The following TBC1D5 variants were observed in gnomAD, a reference collection of about 807,000 sequenced individuals.
TBC1D5 encodes TBC1 domain family, member 5.
A neutral mutation model predicts 100.3 loss-of-function variants in TBC1D5; 75 were observed. The observed-to-expected ratio is 0.75, with a 90% confidence interval of 0.62 to 0.91. The LOEUF (loss-of-function observed/expected upper bound fraction) is 0.91, where lower values mean the gene tolerates loss of function less well. Ranked by LOEUF, TBC1D5 falls within the 40% of genes least tolerant of loss-of-function variation. The pLI is 0.00. For synonymous variants in TBC1D5, 323 were observed against 325.6 expected (o/e 0.99, Z 0.09); for missense variants, 910 against 942.4 (o/e 0.97, Z 0.45).
At chr3:17,606,501 T>C (rs775016297) in intron 2 of TBC1D5, among the ~76,000 whole-genome samples, 2 of 152,214 alleles carry the variant, frequency 1.3e-5, no homozygotes, top group African/African-American at 4.8e-5. Context: ...ATCTGTAATA[T>C]ATATAAAGCA....
chr3:17,319,312 T>C (rs2085076516), intron 13 of TBC1D5, among the ~76,000 whole-genome samples: 1 of 152,218 alleles, frequency 6.6e-6, no homozygotes, highest in Admixed American at 6.5e-5. Flanking sequence ...CCGTGATCTC[T>C]TCTGAAGCAC....
At chr3:17,662,623 T>G (rs1254244174) in intron 1 of TBC1D5, among the ~76,000 whole-genome samples, 1 of 152,228 alleles carries the variant, frequency 6.6e-6, no homozygotes, top group Non-Finnish European at 1.5e-5. Flanking sequence ...CTCTTTTAAT[T>G]TGAATGCCTT....
chr3:17,608,268 CA>C (rs977875224), intron 2 of TBC1D5, among the ~76,000 whole-genome samples: 2 of 151,746 alleles, frequency 1.3e-5, no homozygotes, highest in Non-Finnish European at 2.9e-5. Context: ...AAAACGAAAA[CA>C]AAAAAGAGTA....
chr3:17,702,602 T>C (rs2073368332), intron 1 of TBC1D5, among the ~76,000 whole-genome samples: 1 of 152,058 alleles, frequency 6.6e-6, no homozygotes. Flanking sequence ...CCCCATCAAA[T>C]GAAATTGAAA....
intron 13 of TBC1D5, among the ~76,000 whole-genome samples, chr3:17,356,996 A>G (rs1194661031): frequency 2.6e-5 from 1 of 37,918 alleles, no homozygotes; most frequent in Non-Finnish European, 5.5e-5. Context: ...TTTTGTGATA[A>G]AAAAAAAAAA....
chr3:17,449,986 G>A (rs1460284493), intron 3 of TBC1D5, among the ~76,000 whole-genome samples: 2 of 152,088 alleles, frequency 1.3e-5, no homozygotes, highest in East Asian at 3.9e-4. Context: ...GGAGAGCTCC[G>A]GCTGGCATCT....
intron 19 of TBC1D5, among the ~76,000 whole-genome samples, chr3:17,178,297 C>T (rs542552937): frequency 2.0e-5 from 3 of 152,180 alleles, no homozygotes; most frequent in Admixed American, 6.5e-5. Context: ...GATCTCCTGA[C>T]CTCGTGATCC....
intron 1 of TBC1D5, among the ~76,000 whole-genome samples, chr3:17,662,082 G>T (rs1362210443): frequency 6.6e-6 from 1 of 152,036 alleles, no homozygotes; most frequent in Non-Finnish European, 1.5e-5. Flanking sequence ...TAGAGACAGG[G>T]TCTCGCTACG....
At chr3:17,171,557 G>T (rs1039917510) in intron 19 of TBC1D5, among the ~76,000 whole-genome samples, 1 of 152,100 alleles carries the variant, frequency 6.6e-6, no homozygotes, top group Non-Finnish European at 1.5e-5. Flanking sequence ...TCCTTGGCTT[G>T]TAGATGCATC....
intron 2 of TBC1D5, among the ~76,000 whole-genome samples, chr3:17,549,994 A>G (rs1301218117): frequency 6.6e-6 from 1 of 151,384 alleles, no homozygotes; most frequent in African/African-American, 2.4e-5. Context: ...GCTTCCTACT[A>G]TCCTTTTGCA....
At chr3:17,383,356 T>A (rs930406702) in intron 9 of TBC1D5, among the ~76,000 whole-genome samples, 1 of 151,818 alleles carries the variant, frequency 6.6e-6, no homozygotes, top group African/African-American at 2.4e-5. Flanking sequence ...TGTAAATATA[T>A]CTGTATATAT....
chr3:17,161,132 G>A (rs2065987888), exon 22 of TBC1D5: 1 of 1,614,098 alleles, frequency 6.2e-7, no homozygotes, highest in African/African-American at 1.3e-5. Flanking sequence ...GCTTCTGAGG[G>A]TGCGAAGAGG....
At chr3:17,459,396 C>G (rs971187595) in intron 3 of TBC1D5, among the ~76,000 whole-genome samples, 1 of 152,208 alleles carries the variant, frequency 6.6e-6, no homozygotes, top group Non-Finnish European at 1.5e-5. Flanking sequence ...CGCTACTGAT[C>G]TGACAGGAGG....
At chr3:17,162,050 C>T (rs761697561) in intron 21 of TBC1D5, among the ~76,000 whole-genome samples, 5 of 152,152 alleles carry the variant, frequency 3.3e-5, no homozygotes, top group Non-Finnish European at 5.9e-5. Context: ...TTAACATTCA[C>T]GAACACAGGT....
chr3:17,663,511 C>G (rs2066889770), intron 1 of TBC1D5, among the ~76,000 whole-genome samples: 1 of 151,982 alleles, frequency 6.6e-6, no homozygotes, highest in South Asian at 2.1e-4. Context: ...TACATTACAA[C>G]AAGAAACTAC....
chr3:17,485,297 TATTTTA>T (rs1255995419), intron 3 of TBC1D5, among the ~76,000 whole-genome samples: 1 of 150,708 alleles, frequency 6.6e-6, no homozygotes, highest in African/African-American at 2.5e-5. Context: ...AATTTTATTT[TATTTTA>T]TTTTTTTTAC....
rs373975262 is a variant in TBC1D5 at position 17,546,668 on chromosome 3, C to A, written c.-35-38063G>T. On this transcript the variant is annotated intron_variant, in intron 2 of 21. Transcript: ENST00000253692. ...CCTGTACTCCCAGCTACTTAGGAGA[C>A]TGAGACTCCTGAGTCTCCCGAGGGG... is the stretch of plus-strand genomic sequence containing the variant. 9.8e-4 allele frequency among the ~76,000 whole-genome samples: 149 copies of A among 151,386 alleles called. 1 individual carries two copies. The highest frequency in any genetic ancestry group is 3.4e-3 in the African/African-American group (141 of 41,272).
At chr3:17,169,907 TCA>T (rs1019057369) in intron 19 of TBC1D5, among the ~76,000 whole-genome samples, 5 of 152,286 alleles carry the variant, frequency 3.3e-5, no homozygotes, top group African/African-American at 1.2e-4. Context: ...CACTGGAGTC[TCA>T]CACAAGGAGC....
At chr3:17,703,784 T>G (rs2073544841) in intron 1 of TBC1D5, among the ~76,000 whole-genome samples, 1 of 152,182 alleles carries the variant, frequency 6.6e-6, no homozygotes, top group Non-Finnish European at 1.5e-5. Flanking sequence ...ATTGCTATAG[T>G]GTCAATTTTC....
Sources: gnomAD v4.1 joint callset for allele counts (sites outside exome capture counted in the v4.1 genomes callset) on GRCh38, gnomAD v4.1.1 for gene constraint, MANE v1.5 for transcripts, NCBI Gene and HGNC (gene_info 2026-07-23, HGNC 2026-07-21) for gene names.